The following ADGRF4 variants were observed in gnomAD, a reference collection of about 807,000 sequenced individuals.
The protein encoded by ADGRF4 is G-protein coupled receptor PGR18.
ADGRF4 carries 63 observed loss-of-function variants against 58.5 expected under a neutral mutation model. The ratio of observed to expected loss-of-function variants is 1.08; its 90% CI spans 0.88 to 1.33. ADGRF4 has a LOEUF of 1.33. ADGRF4 is among the 40% of genes most tolerant of loss of function. ADGRF4 has a pLI of 0.00. For synonymous variants in ADGRF4, 313 were observed against 295.4 expected, an observed-to-expected ratio of 1.06 and a Z score of -0.61; for missense variants, 931 against 843.9, an observed-to-expected ratio of 1.10 and a Z score of -1.28.
At chr6:47,712,753 T>C in intron 5 of ADGRF4, 145 bp downstream of exon 5, 1 of 635,482 alleles carries the variant, frequency 1.6e-6, no homozygotes, top group Non-Finnish European at 2.7e-6. Context: ...GGGATATTGA[T>C]TCATTATAGT....
intron 5 of ADGRF4, among the ~76,000 whole-genome samples, chr6:47,712,953 C>T (rs1021491077): frequency 6.6e-6 from 1 of 152,180 alleles, no homozygotes; most frequent in African/African-American, 2.4e-5. Flanking sequence ...GCTGTGGCCT[C>T]TTAGGATCTG....
chr6:47,707,104 G>A, intron 1 of ADGRF4, 126 bp from the exon 2 acceptor site: 1 of 627,416 alleles, frequency 1.6e-6, no homozygotes, highest in South Asian at 2.0e-5. Context: ...TCCAGGGCAG[G>A]CTGCTTTGGC....
chr6:47,714,390 G>T lies in ADGRF4; in HGVS notation c.1145G>T (p.Ser382Ile), dbSNP rs1771951679. ...GTGAAATGCCGCTGTAACTACACCAGTGTGGTGATGTCTTTTTCCATTCTC... is the reference window on the plus strand; with the variant it reads ...GTGAAATGCCGCTGTAACTACACCATTGTGGTGATGTCTTTTTCCATTCTC... ...NEVKCRCNYT[S>I]VVMSFSILMS... Residue 382 changes from serine to isoleucine, a missense_variant, in exon 6 of 10, where the codon AGT becomes ATT. Coordinates refer to ENST00000283303, the MANE Select transcript of ADGRF4 (RefSeq NM_153838.5). The T allele has an allele frequency of 1.2e-6, 2 of 1,614,160 alleles. No individual in the cohort carries two copies. Among genetic ancestry groups the T allele is most frequent in the East Asian group, 4.5e-5 (2 of 44,862 alleles).
intron 6 of ADGRF4, 85 bp downstream of exon 6, chr6:47,715,262 A>G (rs1771988422): frequency 1.0e-6 from 1 of 976,814 alleles, no homozygotes; most frequent in African/African-American, 1.6e-5. Context: ...ATAACACAAA[A>G]TGTTCTCTCC....
intron 4 of ADGRF4, among the ~76,000 whole-genome samples, chr6:47,711,755 T>C (rs1305016053): frequency 6.6e-6 from 1 of 152,202 alleles, no homozygotes; most frequent in East Asian, 1.9e-4. Context: ...GTCTGCATTT[T>C]CTAAAATTTT....
rs982519160 is a variant in ADGRF4 at position 47,714,187 on chromosome 6, A to G, written c.942A>G (p.Arg314=). The change falls in exon 6 of 10, where the codon AGA becomes AGG. Residue 314 remains arginine (R), a synonymous_variant. Coordinates refer to ENST00000283303, the MANE Select transcript of ADGRF4 (RefSeq NM_153838.5). ...ACTTGCAAAATGTGAGTCTTCCCAG[A>G]CAGGTAAATGGTCTGGTGCTATCAG... ...EAHLQNVSLP[R]QVNGLVLSVV... The G allele has an allele frequency of 1.9e-6, 3 of 1,613,980 alleles. No individual in the cohort carries two copies. Among genetic ancestry groups the G allele is most frequent in the Non-Finnish European group, 2.5e-6 (3 of 1,180,002 alleles).
rs574859440 is a variant in ADGRF4 at position 47,701,683 on chromosome 6, A to G, written c.-17+2889A>G. Among the ~76,000 whole-genome samples, 3 of 152,360 alleles carry G rather than the reference A, an allele frequency of 2.0e-5. No homozygotes were observed. The South Asian group carries it at 6.2e-4, about 32-fold the overall frequency. On this transcript the variant is annotated intron_variant, in intron 1 of 9. Transcript: ENST00000283303. ...AATGACTTAAAGAGCTCCCATGAAC[A>G]TATCAGCACAGTGACGGGCATTAGG...
In ADGRF4 at chr6:47,717,362, C is replaced by T. The variant is rs780711694; in HGVS notation, c.2034+11C>T. ...TCGAGGGCAGCTGAGGTAAGCCTTC[C>T]CCTTTTAGTCTCAGCCCTGGAGAGT... On this transcript the variant is annotated intron_variant, in intron 8 of 9. Transcript: ENST00000283303. 31 of 1,591,550 alleles carry T rather than the reference C, an allele frequency of 1.9e-5. 2 individuals are homozygous for T. The Admixed American group carries it at 4.8e-4, about 25-fold the overall frequency.
chr6:47,712,049 A>T (rs1271224028), intron 4 of ADGRF4, among the ~76,000 whole-genome samples: 1 of 152,160 alleles, frequency 6.6e-6, no homozygotes, highest in Non-Finnish European at 1.5e-5. Flanking sequence ...ATGAAATTCC[A>T]TGTGGTTCTT....
intron 1 of ADGRF4, among the ~76,000 whole-genome samples, chr6:47,706,708 T>A (rs1411440440): frequency 6.6e-6 from 1 of 152,226 alleles, no homozygotes; most frequent in African/African-American, 2.4e-5. Context: ...AGATGAAGAA[T>A]GGCTGTCCAG....
intron 8 of ADGRF4, among the ~76,000 whole-genome samples, chr6:47,718,132 A>G (rs1256911919): frequency 6.6e-6 from 1 of 152,184 alleles, no homozygotes; most frequent in Non-Finnish European, 1.5e-5. Flanking sequence ...CTGAAATTGG[A>G]ATGTATCTTA....
intron 1 of ADGRF4, among the ~76,000 whole-genome samples, chr6:47,705,082 C>G (rs1230147523): frequency 6.6e-6 from 1 of 152,116 alleles, no homozygotes; most frequent in Non-Finnish European, 1.5e-5. Context: ...ACGCCTGCCA[C>G]CACACTTGGC....
rs1366769501 is a variant in ADGRF4, at chr6:47,712,511, C to A, written c.455C>A (p.Ser152Ter). Residue 152 changes from serine (S) to a stop codon, truncating the protein, a stop_gained, in exon 5 of 10, where the codon TCA becomes TAA. Coordinates refer to ENST00000283303, the MANE Select transcript of ADGRF4 (RefSeq NM_153838.5). LOFTEE classifies it high-confidence loss of function. ...DYACITDMVKSSETTSGNIAF... is the reference protein window; with the variant it reads ...DYACITDMVK Reference sequence around the variant, plus strand: ...GCCTGCATCACTGACATGGTGAAATCATCAGAAACAACATCTGGAAATATT... The same window carrying A: ...GCCTGCATCACTGACATGGTGAAATAATCAGAAACAACATCTGGAAATATT... 2.5e-6 allele frequency: 4 copies of A among 1,613,608 alleles called. No homozygotes were observed. Among genetic ancestry groups the A allele is most frequent in the Non-Finnish European group, 2.5e-6 (3 of 1,179,582 alleles).
At chr6:47,709,429 C>G (rs901519092) in intron 3 of ADGRF4, among the ~76,000 whole-genome samples, 1 of 152,178 alleles carries the variant, frequency 6.6e-6, no homozygotes, top group East Asian at 1.9e-4. Flanking sequence ...GTAGTTGTGA[C>G]TAAGACTCAT....
Position 47,715,115 on chromosome 6 carries a change from A to G in ADGRF4, c.1870A>G (p.Thr624Ala). 6.2e-7 allele frequency: 1 copy of G among 1,604,424 alleles called. No individual in the cohort carries two copies. Among genetic ancestry groups the G allele is most frequent in the Non-Finnish European group, 8.5e-7 (1 of 1,171,920 alleles). Residue 624 changes from threonine (T) to alanine (A), a missense_variant, in exon 6 of 10, where the codon ACT becomes GCT. Transcript: ENST00000283303. ...ACTGACCTGGGGTTTTGGAATAGCC[A>G]CTCTCATAGAAGGCACTTCCTTGAC... ...LGLTWGFGIA[T>A]LIEGTSLTFH...
At position 47,705,841 on chromosome 6, in the gene ADGRF4, C is replaced by G. The variant is rs190129633; in HGVS notation, c.-16-1389C>G. ...AGGATAGTCTTTGCCTGGTTGTGTT[C>G]ACTGAATGTGATGTGTAGGTGATCT... On this transcript the variant is annotated intron_variant, in intron 1 of 9. Coordinates refer to ENST00000283303, the MANE Select transcript of ADGRF4 (RefSeq NM_153838.5). Among the ~76,000 whole-genome samples the G allele has an allele frequency of 2.0e-4, 30 of 152,320 alleles. No homozygotes were observed. The East Asian group carries it at 5.0e-3, about 25-fold the overall frequency.
chr6:47,717,448 C>A, intron 8 of ADGRF4, 97 bp downstream of exon 8: 1 of 800,164 alleles, frequency 1.2e-6, no homozygotes, highest in Non-Finnish European at 2.3e-6. Context: ...GATCTGTGGG[C>A]AAAGAGGATC....
chr6:47,709,363 G>A (rs926785649), intron 3 of ADGRF4, among the ~76,000 whole-genome samples: 3 of 152,200 alleles, frequency 2.0e-5, no homozygotes, highest in African/African-American at 7.2e-5. Context: ...ACATAGCCAT[G>A]CCCATTCATT....
At chr6:47,706,110 A>T (rs1320592) in intron 1 of ADGRF4, among the ~76,000 whole-genome samples, 126,359 of 152,162 alleles carry the variant, frequency 0.83, 52,945 homozygotes, top group Middle Eastern at 0.9. Context: ...CTAAAATCAA[A>T]GATCTTTTTA....
Sources: gnomAD v4.1 joint callset for allele counts (sites outside exome capture counted in the v4.1 genomes callset) on GRCh38, gnomAD v4.1.1 for gene constraint, MANE v1.5 for transcripts, NCBI Gene and HGNC (gene_info 2026-07-23, HGNC 2026-07-21) for gene names.